Variants in TENM2 observed in about 807,000 individuals in gnomAD.
TENM2 encodes the protein teneurin transmembrane protein 2.
A neutral mutation model predicts 245.2 loss-of-function variants in TENM2; 52 were observed. The ratio of observed to expected loss-of-function variants is 0.21; its 90% CI spans 0.17 to 0.27. The LOEUF (loss-of-function observed/expected upper bound fraction) is 0.27, where lower values mean the gene tolerates loss of function less well. Among genes scored for constraint, TENM2 ranks in the 10% least tolerant of loss-of-function variants. The pLI is 1.00. For missense variants in TENM2, 3,046 were observed against 3,666.8 expected, an observed-to-expected ratio of 0.83 and a Z score of 4.37; for synonymous variants, 1,363 against 1,438.9, an observed-to-expected ratio of 0.95 and a Z score of 1.19.
intron 3 of TENM2, among the ~76,000 whole-genome samples, chr5:167,936,509 C>T (rs540141325): frequency 2.0e-3 from 308 of 152,320 alleles, no homozygotes; most frequent in South Asian, 3.1e-3. Flanking sequence ...GGCTGCCTTT[C>T]TCCCTTGTTA....
chr5:167,767,095 C>T lies in TENM2; in HGVS notation c.503-108891C>T, dbSNP rs957165547. On this transcript the variant is annotated intron_variant, in intron 2 of 28. Coordinates refer to ENST00000518659, the Ensembl canonical transcript of TENM2. ...GCAAAGACTCAGACAGATATTTGTACACCCATGTTCATAGCAGCTTTATTC... is the reference window on the plus strand; with the variant it reads ...GCAAAGACTCAGACAGATATTTGTATACCCATGTTCATAGCAGCTTTATTC... Among the ~76,000 whole-genome samples the T allele has an allele frequency of 2.6e-5, 4 of 152,194 alleles. No individual in the cohort carries two copies. In the East Asian group the frequency reaches 7.7e-4, roughly 29 times the overall value.
At chr5:167,186,054 G>A in the TENM2 span, among the ~76,000 whole-genome samples, 1 of 152,102 alleles carries the variant, frequency 6.6e-6, no homozygotes, top group African/African-American at 2.4e-5. Context: ...ATAATTTAGG[G>A]TAAGAAGATA....
chr5:167,402,772 G>A (rs371683938), intron 2 of TENM2, among the ~76,000 whole-genome samples: 9 of 152,168 alleles, frequency 5.9e-5, no homozygotes, highest in South Asian at 2.1e-4. Flanking sequence ...ATTTTCAAAC[G>A]AAAACTGCTC....
chr5:167,898,640 G>A (rs1775440568), intron 3 of TENM2, among the ~76,000 whole-genome samples: 1 of 152,192 alleles, frequency 6.6e-6, no homozygotes. Flanking sequence ...CAGATATTTA[G>A]TTGATTACTG....
intron 2 of TENM2, among the ~76,000 whole-genome samples, chr5:167,708,292 T>C (rs577418951): frequency 6.6e-6 from 1 of 152,270 alleles, no homozygotes; most frequent in East Asian, 1.9e-4. Flanking sequence ...ACATACCTTT[T>C]AGATACAAAT....
chr5:167,510,558 A>G (rs143264178), intron 2 of TENM2, among the ~76,000 whole-genome samples: 1,611 of 152,190 alleles, frequency 0.011, 14 homozygotes, highest in Non-Finnish European at 0.017. Context: ...AACTGTTACT[A>G]TAGAAAAAAA....
intron 5 of TENM2, among the ~76,000 whole-genome samples, chr5:168,027,341 A>C (rs1352485384): frequency 1.3e-5 from 2 of 152,174 alleles, no homozygotes; most frequent in Non-Finnish European, 2.9e-5. Context: ...ACATCCAAAC[A>C]TACTGCCCAG....
chr5:167,673,550 G>A (rs1756104844), intron 2 of TENM2, among the ~76,000 whole-genome samples: 1 of 152,094 alleles, frequency 6.6e-6, no homozygotes, highest in Non-Finnish European at 1.5e-5. Context: ...TTGAGAATGT[G>A]ATGGCCAGGT....
At chr5:168,125,220 T>G (rs1187129294) in intron 11 of TENM2, among the ~76,000 whole-genome samples, 170 bp downstream of exon 13, 2 of 152,220 alleles carry the variant, frequency 1.3e-5, no homozygotes, top group Non-Finnish European at 2.9e-5. Context: ...GAGTCTGTGA[T>G]CTTTGAGAAA....
At chr5:167,448,955 A>G in intron 2 of TENM2, among the ~76,000 whole-genome samples, 1 of 152,054 alleles carries the variant, frequency 6.6e-6, no homozygotes, top group East Asian at 1.9e-4. Context: ...CTTTACTTTC[A>G]TATGTGTCCT....
chr5:167,480,101 G>A (rs968605987), intron 2 of TENM2, among the ~76,000 whole-genome samples: 3 of 152,194 alleles, frequency 2.0e-5, no homozygotes, highest in African/African-American at 7.2e-5. Context: ...CTTGTGCCCT[G>A]CTTTGCATAT....
In TENM2 at chr5:168,168,453, G is replaced by A. The variant is rs116371879; in HGVS notation, c.2569+5696G>A. ...CTAACACTTTGGGAGACCAAGGTGG[G>A]TGGATTACTTGAGCTCAAGAGTTCA... On this transcript the variant is annotated intron_variant, in intron 13 of 28. Coordinates refer to ENST00000518659, the Ensembl canonical transcript of TENM2. Among the ~76,000 whole-genome samples, 191 of 152,290 alleles carry A rather than the reference G, an allele frequency of 1.3e-3. No individual in the cohort carries two copies. The Middle Eastern group carries it at 0.014, about 11-fold the overall frequency.
At chr5:167,353,329 G>C (rs914815018) in intron 1 of TENM2, among the ~76,000 whole-genome samples, 1 of 144,222 alleles carries the variant, frequency 6.9e-6, no homozygotes, top group Admixed American at 7.1e-5. Context: ...GTGCAGGGGG[G>C]TGGTGGGGGT....
the TENM2 span, among the ~76,000 whole-genome samples, chr5:167,082,138 A>G: frequency 6.6e-6 from 1 of 152,160 alleles, no homozygotes; most frequent in Non-Finnish European, 1.5e-5. Flanking sequence ...GCATTCTATT[A>G]TCATGTTTTG....
intron 9 of TENM2, among the ~76,000 whole-genome samples, chr5:168,117,439 A>T (rs1795162122): frequency 1.3e-5 from 2 of 152,020 alleles, no homozygotes; most frequent in African/African-American, 4.8e-5. Flanking sequence ...CCCTACACAT[A>T]CCATGTTTTC....
At chr5:167,367,294 T>C (rs574317557) in intron 1 of TENM2, among the ~76,000 whole-genome samples, 1 of 152,156 alleles carries the variant, frequency 6.6e-6, no homozygotes, top group Non-Finnish European at 1.5e-5. Context: ...ATAATGAGTC[T>C]AAAAGTTTAC....
chr5:167,005,462 G>A, the TENM2 span, among the ~76,000 whole-genome samples: 1 of 152,042 alleles, frequency 6.6e-6, no homozygotes, highest in East Asian at 1.9e-4. Context: ...TCAAAAATAT[G>A]GCTTCCTTTA....
At chr5:167,869,334 G>C (rs1341265156) in intron 2 of TENM2, among the ~76,000 whole-genome samples, 2 of 152,216 alleles carry the variant, frequency 1.3e-5, no homozygotes, top group Admixed American at 6.5e-5. Flanking sequence ...AGGTGAATTT[G>C]AGTGTAAGGC....
At chr5:167,689,792 C>T (rs1276229381) in intron 2 of TENM2, among the ~76,000 whole-genome samples, 2 of 151,950 alleles carry the variant, frequency 1.3e-5, no homozygotes, top group Admixed American at 6.6e-5. Context: ...GATGGAGTCT[C>T]GCTCTGTCTC....
Sources: gnomAD v4.1 joint callset for allele counts (sites outside exome capture counted in the v4.1 genomes callset) on GRCh38, gnomAD v4.1.1 for gene constraint, MANE v1.5 for transcripts, NCBI Gene and HGNC (gene_info 2026-07-23, HGNC 2026-07-21) for gene names.